NEMP2: variants seen among roughly 807,000 people sequenced by gnomAD.
NEMP2 encodes the protein UPF0571 transmembrane protein.
NEMP2 carries 53 observed loss-of-function variants against 54.2 expected under a neutral mutation model. That is an observed-to-expected ratio of 0.98 (90% confidence interval 0.78 to 1.23). The LOEUF (loss-of-function observed/expected upper bound fraction) is 1.23, where lower values mean the gene tolerates loss of function less well. NEMP2 is among the 50% of genes most tolerant of loss of function. The probability of loss-of-function intolerance (pLI) is 0.00; values close to 1 mark genes in which losing one functional copy is unlikely to be tolerated. For synonymous variants in NEMP2, 197 were observed against 190.3 expected (o/e 1.04, Z -0.29); for missense variants, 455 against 511.3 (o/e 0.89, Z 1.06).
chr2:190,577,827 T>A, the NEMP2 span, among the ~76,000 whole-genome samples: 10 of 152,214 alleles, frequency 6.6e-5, no homozygotes, highest in African/African-American at 2.4e-4. The surrounding 1 kb of genome is among the most constrained non-coding windows in gnomAD (Gnocchi z 4.8). Flanking sequence ...GACCCGAGAT[T>A]GCACCACTGC....
the NEMP2 span, among the ~76,000 whole-genome samples, chr2:190,490,301 C>T: frequency 3.3e-5 from 5 of 151,562 alleles, no homozygotes; most frequent in African/African-American, 9.7e-5. This position sits in a 1 kb window ranked among gnomAD's most constrained non-coding sequence, Gnocchi z 4.5. Flanking sequence ...CAGTGGCTCA[C>T]GCCTGTAATC....
downstream of NEMP2, chr2:190,499,792 T>C (rs992537773): frequency 1.3e-6 from 2 of 1,508,760 alleles, no homozygotes; most frequent in Admixed American, 4.0e-5. This position sits in a 1 kb window ranked among gnomAD's most constrained non-coding sequence, Gnocchi z 6.0. Flanking sequence ...ACAAGACACG[T>C]CTGCTTATAG....
the NEMP2 span, among the ~76,000 whole-genome samples, chr2:190,623,394 A>G: frequency 3.9e-5 from 6 of 152,354 alleles, no homozygotes; most frequent in Middle Eastern, 0.014. Flanking sequence ...AGCTGGAGGC[A>G]TCACACTACC....
At chr2:190,541,155 AAAC>A in the NEMP2 span, among the ~76,000 whole-genome samples, 2 of 146,420 alleles carry the variant, frequency 1.4e-5, no homozygotes, top group Non-Finnish European at 3.0e-5. The surrounding 1 kb of genome is among the most constrained non-coding windows in gnomAD (Gnocchi z 5.2). Context: ...CTTTTCAAAA[AAAC>A]AATTTCATTT....
chr2:190,428,411 C>T, the NEMP2 span, among the ~76,000 whole-genome samples: 2 of 152,108 alleles, frequency 1.3e-5, no homozygotes, highest in African/African-American at 4.8e-5. Context: ...ATTTACAGTC[C>T]CACCAGCAAT....
chr2:190,588,899 A>C, the NEMP2 span, among the ~76,000 whole-genome samples: 1 of 152,176 alleles, frequency 6.6e-6, no homozygotes, highest in African/African-American at 2.4e-5. The surrounding 1 kb of genome is among the most constrained non-coding windows in gnomAD (Gnocchi z 5.0). Context: ...GGTTGGATAC[A>C]TATCACTCAA....
the NEMP2 span, among the ~76,000 whole-genome samples, chr2:190,441,185 T>C: frequency 3.9e-5 from 6 of 152,268 alleles, no homozygotes; most frequent in Non-Finnish European, 8.8e-5. Flanking sequence ...TCAGATCCTC[T>C]CCTTGCCCCG....
the NEMP2 span, among the ~76,000 whole-genome samples, chr2:190,555,371 T>C: frequency 6.6e-6 from 1 of 151,930 alleles, no homozygotes; most frequent in African/African-American, 2.4e-5. This position sits in a 1 kb window ranked among gnomAD's most constrained non-coding sequence, Gnocchi z 4.8. Context: ...AACAAACTCC[T>C]TCGAGCTAAA....
chr2:190,457,592 C>A, the NEMP2 span, among the ~76,000 whole-genome samples: 1 of 152,096 alleles, frequency 6.6e-6, no homozygotes, highest in Non-Finnish European at 1.5e-5. This position sits in a 1 kb window ranked among gnomAD's most constrained non-coding sequence, Gnocchi z 5.1. Flanking sequence ...AAGTTAGGAC[C>A]CCAAATCTCA....
At position 190,510,682 on chromosome 2, in the gene NEMP2, C is replaced by CCA; in HGVS notation, c.954-146_954-145insTG. The CCA allele has an allele frequency of 2.7e-6, 2 of 730,318 alleles. No homozygotes were observed. Among genetic ancestry groups the CCA allele is most frequent in the South Asian group, 1.8e-5 (1 of 56,146 alleles). 45.2% of individuals were successfully genotyped at this position (730,318 alleles called of 1,614,324 possible). On this transcript the variant is annotated intron_variant, in intron 7 of 8. Transcript: ENST00000409150. The surrounding 1 kb of genome is among the most constrained non-coding windows in gnomAD (Gnocchi z 5.7). ...GGATCACGAGGTCAGGAGATTGAGA[C>CCA]GGTCCTGGCTAACAAGGTGAAACAC...
the NEMP2 span, among the ~76,000 whole-genome samples, chr2:190,457,497 A>G: frequency 6.6e-6 from 1 of 152,182 alleles, no homozygotes; most frequent in Non-Finnish European, 1.5e-5. This position sits in a 1 kb window ranked among gnomAD's most constrained non-coding sequence, Gnocchi z 5.1. Context: ...CCATCTAGCC[A>G]GTGATAGGGG....
chr2:190,436,248 C>A, the NEMP2 span: 7 of 1,613,952 alleles, frequency 4.3e-6, no homozygotes, highest in South Asian at 1.1e-5. This position sits in a 1 kb window ranked among gnomAD's most constrained non-coding sequence, Gnocchi z 5.3. Flanking sequence ...TTTCCAAGGT[C>A]TTTTATTTTT....
chr2:190,556,983 T>A, the NEMP2 span, among the ~76,000 whole-genome samples: 1 of 152,184 alleles, frequency 6.6e-6, no homozygotes, highest in African/African-American at 2.4e-5. Context: ...TACTTTAAAT[T>A]TCATATGGAA....
the NEMP2 span, among the ~76,000 whole-genome samples, chr2:190,481,232 T>C: frequency 2.0e-5 from 3 of 152,270 alleles, no homozygotes; most frequent in Non-Finnish European, 4.4e-5. Context: ...AATGCCAGCA[T>C]GTAAAAATTC....
chr2:190,533,896 T>C lies in NEMP2; in HGVS notation c.97+663A>G. ...CAGATCCTTCCCCAGTGTGCCAGCA[T>C]CTTAAGCCCACTCCGTGGCGAGCCC... is the stretch of plus-strand genomic sequence containing the variant. On this transcript the variant is annotated intron_variant, in intron 1 of 8. Transcript: ENST00000409150. The surrounding 1 kb of genome is among the most constrained non-coding windows in gnomAD (Gnocchi z 4.3). 1 of 862,578 alleles carries C rather than the reference T, an allele frequency of 1.2e-6. No homozygotes were observed. Among genetic ancestry groups the C allele is most frequent in the Non-Finnish European group, 1.4e-6 (1 of 717,862 alleles). 53.4% of individuals were successfully genotyped at this position (862,578 alleles called of 1,614,324 possible). A position where few individuals can be genotyped will look rare whatever the true frequency, so the allele number is the denominator to read the frequency against.
At chr2:190,600,069 C>A in the NEMP2 span, among the ~76,000 whole-genome samples, 1 of 152,210 alleles carries the variant, frequency 6.6e-6, no homozygotes, top group African/African-American at 2.4e-5. The surrounding 1 kb of genome is among the most constrained non-coding windows in gnomAD (Gnocchi z 4.9). Context: ...CGGTACAGAG[C>A]AACTAGAACC....
At chr2:190,566,579 C>A in the NEMP2 span, among the ~76,000 whole-genome samples, 1 of 140,806 alleles carries the variant, frequency 7.1e-6, no homozygotes, top group African/African-American at 2.6e-5. Flanking sequence ...AGGAGTAAGA[C>A]TCTGTCTTAA....
chr2:190,511,181 G>T (rs1690351965), intron 7 of NEMP2, among the ~76,000 whole-genome samples: 1 of 151,688 alleles, frequency 6.6e-6, no homozygotes, highest in Non-Finnish European at 1.5e-5. Context: ...TTTATGCTTG[G>T]CCTGTTGATT....
At chr2:190,465,369 G>A in the NEMP2 span, among the ~76,000 whole-genome samples, 1 of 151,846 alleles carries the variant, frequency 6.6e-6, no homozygotes, top group African/African-American at 2.4e-5. The surrounding 1 kb of genome is among the most constrained non-coding windows in gnomAD (Gnocchi z 4.6). Flanking sequence ...CAGTCATGCT[G>A]TTTTTGAGTT....
Sources: allele counts gnomAD v4.1 joint callset (sites outside exome capture counted in the v4.1 genomes callset), GRCh38; gene constraint gnomAD v4.1.1; non-coding constraint Gnocchi (gnomAD v3.1); transcripts MANE v1.5; gene names NCBI Gene and HGNC (gene_info 2026-07-23, HGNC 2026-07-21).